SYT16: variants seen among roughly 807,000 people sequenced by gnomAD.
The protein encoded by SYT16 is synaptotagmin 16, also known as synaptotagmin-16.
A neutral mutation model predicts 61.4 loss-of-function variants in SYT16; 42 were observed. That is an observed-to-expected ratio of 0.68 (90% CI 0.53 to 0.89). The LOEUF is 0.89. Among genes scored for constraint, SYT16 ranks in the 40% least tolerant of loss-of-function variants. The probability of loss-of-function intolerance (pLI) is 0.00; values close to 1 mark genes in which losing one functional copy is unlikely to be tolerated. For synonymous variants in SYT16, 314 were observed against 302.3 expected (o/e 1.04, Z -0.40); for missense variants, 804 against 807.3 (o/e 1.00, Z 0.05).
chr14:61,843,341 C>T, intron 1 of SYT16, among the ~76,000 whole-genome samples: 1 of 152,100 alleles, frequency 6.6e-6, no homozygotes, highest in East Asian at 1.9e-4. Flanking sequence ...TGTTGAACAC[C>T]TTTCCATAGA....
Position 61,996,014 on chromosome 14 carries a change from C to T in SYT16, c.-6C>T. The stretch of plus-strand genomic sequence containing the variant: ...ACTGGACACTGTAGACATCAGATAG[C>T]TGGCCATGGTGTTGGCCATGGCGTC... On this transcript the variant is annotated 5_prime_UTR_variant, in exon 3 of 8. Coordinates refer to ENST00000683842, the MANE Select transcript of SYT16 (RefSeq NM_001367656.1). 6.4e-7 allele frequency: 1 copy of T among 1,573,690 alleles called. No individual in the cohort carries two copies.
chr14:61,870,154 A>G (rs2047285317), intron 1 of SYT16, among the ~76,000 whole-genome samples: 1 of 152,204 alleles, frequency 6.6e-6, no homozygotes, highest in South Asian at 2.1e-4. Flanking sequence ...TACTATGTGC[A>G]ATGATGCTCA....
At chr14:61,829,358 AAATTT>A (rs1358371025) in intron 1 of SYT16, among the ~76,000 whole-genome samples, 4 of 152,136 alleles carry the variant, frequency 2.6e-5, no homozygotes, top group African/African-American at 9.7e-5. Context: ...AAATTTTCAG[AAATTT>A]AATTATGATA....
At chr14:62,084,049 A>T in intron 6 of SYT16, 147 bp from the exon 7 acceptor site, 1 of 850,180 alleles carries the variant, frequency 1.2e-6, no homozygotes, top group Non-Finnish European at 1.8e-6. Context: ...CCCTGGGCCC[A>T]TTGTAATTCA....
chr14:62,039,638 C>T (rs907441603), intron 3 of SYT16, among the ~76,000 whole-genome samples: 4 of 151,980 alleles, frequency 2.6e-5, no homozygotes, highest in African/African-American at 7.3e-5. Context: ...AGAATAGAGA[C>T]AGCATTTATT....
chr14:62,079,536 T>C (rs2056631156), intron 5 of SYT16: 1 of 185,126 alleles, frequency 5.4e-6, no homozygotes, highest in Non-Finnish European at 1.1e-5. Context: ...CCTAAGGAAA[T>C]ACGAACCCAG....
At chr14:62,056,944 G>C (rs1324205616) in intron 3 of SYT16, among the ~76,000 whole-genome samples, 1 of 152,182 alleles carries the variant, frequency 6.6e-6, no homozygotes, top group Non-Finnish European at 1.5e-5. Flanking sequence ...ATGCAGGGAG[G>C]CTCTTCGGGA....
At chr14:62,087,437 G>A (rs1358390134) in intron 7 of SYT16, among the ~76,000 whole-genome samples, 2 of 152,202 alleles carry the variant, frequency 1.3e-5, no homozygotes, top group South Asian at 2.1e-4. Flanking sequence ...TGAGGCTCTC[G>A]GCTCAGGTGC....
intron 1 of SYT16, among the ~76,000 whole-genome samples, chr14:61,932,313 C>T (rs1249312640): frequency 1.3e-5 from 2 of 152,204 alleles, no homozygotes; most frequent in Non-Finnish European, 2.9e-5. Flanking sequence ...TGATAGGAGT[C>T]TGTGTTAGTC....
At chr14:61,945,456 T>C (rs1355956111) in intron 1 of SYT16, among the ~76,000 whole-genome samples, 2 of 152,156 alleles carry the variant, frequency 1.3e-5, no homozygotes, top group African/African-American at 4.8e-5. Flanking sequence ...TGCAGCACTG[T>C]TCACAATAGC....
chr14:62,104,376 C>A lies in SYT16; in HGVS notation c.*3669C>A, dbSNP rs910439796. 1 of 152,178 alleles carries A rather than the reference C, an allele frequency of 6.6e-6. No homozygotes were observed. The highest frequency in any genetic ancestry group is 1.9e-4 in the East Asian group (1 of 5,198). 9.4% of individuals were successfully genotyped at this position (152,178 alleles called of 1,614,324 possible). Reference sequence around the variant, plus strand: ...AACTGTGGTTAAAGAACATTCTATTCTATTTGATCTAAGAGCAAAGCAAAT... The same window carrying A: ...AACTGTGGTTAAAGAACATTCTATTATATTTGATCTAAGAGCAAAGCAAAT... On this transcript the variant is annotated 3_prime_UTR_variant, in exon 8 of 8. Transcript: ENST00000683842.
chr14:62,090,594 A>G (rs1024913157), intron 7 of SYT16, among the ~76,000 whole-genome samples: 1 of 152,218 alleles, frequency 6.6e-6, no homozygotes, highest in Admixed American at 6.5e-5. Flanking sequence ...TGGCCATTTC[A>G]TATGAAAATT....
intron 3 of SYT16, among the ~76,000 whole-genome samples, chr14:62,060,325 A>T (rs1433952206): frequency 6.6e-6 from 1 of 152,052 alleles, no homozygotes; most frequent in African/African-American, 2.4e-5. Context: ...TGCTCTTTCT[A>T]AATGGAATTT....
intron 3 of SYT16, among the ~76,000 whole-genome samples, chr14:62,032,627 A>C (rs1393147340): frequency 6.6e-6 from 1 of 152,024 alleles, no homozygotes; most frequent in African/African-American, 2.4e-5. Flanking sequence ...TAAATTCCTA[A>C]TTAGTTTTGC....
intron 1 of SYT16, among the ~76,000 whole-genome samples, chr14:61,860,764 T>C (rs2046938340): frequency 2.0e-5 from 3 of 152,142 alleles, no homozygotes; most frequent in Non-Finnish European, 4.4e-5. Flanking sequence ...AGGCCATGAA[T>C]TTCATGTGAG....
chr14:61,865,557 G>C (rs1425273195), intron 1 of SYT16, among the ~76,000 whole-genome samples: 1 of 152,172 alleles, frequency 6.6e-6, no homozygotes, highest in Non-Finnish European at 1.5e-5. Context: ...AAGGTGACTG[G>C]TATAGTCTGA....
intron 1 of SYT16, among the ~76,000 whole-genome samples, chr14:61,966,871 G>T (rs998019651): frequency 1.3e-5 from 2 of 152,166 alleles, no homozygotes; most frequent in African/African-American, 4.8e-5. Context: ...TGGCCAATGT[G>T]TTGTAACATA....
At chr14:61,875,579 G>T (rs1328714465) in intron 1 of SYT16, among the ~76,000 whole-genome samples, 1 of 152,218 alleles carries the variant, frequency 6.6e-6, no homozygotes, top group African/African-American at 2.4e-5. Context: ...TTGTTTAAAA[G>T]ATGCTGCTTG....
intron 2 of SYT16, among the ~76,000 whole-genome samples, chr14:61,995,074 T>C (rs1185506978): frequency 6.6e-6 from 1 of 152,152 alleles, no homozygotes; most frequent in Non-Finnish European, 1.5e-5. Context: ...TACACACATA[T>C]GTGTATGTAT....
Sources: allele counts gnomAD v4.1 joint callset (sites outside exome capture counted in the v4.1 genomes callset), GRCh38; gene constraint gnomAD v4.1.1; transcripts MANE v1.5; gene names NCBI Gene and HGNC (gene_info 2026-07-23, HGNC 2026-07-21).